COL16A1: variants seen among roughly 807,000 people sequenced by gnomAD.
COL16A1 encodes collagen type XVI alpha 1 chain, also known as collagen alpha-1(XVI) chain.
COL16A1 carries 189 observed loss-of-function variants against 266.3 expected under a neutral mutation model. The observed-to-expected ratio is 0.71, with a 90% CI of 0.63 to 0.80. COL16A1 has a LOEUF of 0.80. Among genes scored for constraint, COL16A1 ranks in the 30% least tolerant of loss-of-function variants. The pLI, the probability that COL16A1 is intolerant of heterozygous loss-of-function variation, is 0.00. For missense variants in COL16A1, 1,928 were observed against 2,122.4 expected (o/e 0.91, Z 1.80); for synonymous variants, 740 against 782.3 (o/e 0.95, Z 0.90).
chr1:31,652,535 A>G lies in COL16A1; in HGVS notation c.*116T>C. ...TCTTTATTATTTAAAAAATATTAAC[A>G]GCAATTAAAAACAACAACAACAACA... On this transcript the variant is annotated 3_prime_UTR_variant, in exon 71 of 71. Coordinates refer to ENST00000373672, the MANE Select transcript of COL16A1 (RefSeq NM_001856.4). The surrounding 1 kb of genome is among the most constrained non-coding windows in gnomAD (Gnocchi z 4.8). The G allele has an allele frequency of 8.6e-7, 1 of 1,161,368 alleles. No individual in the cohort carries two copies. Among genetic ancestry groups the G allele is most frequent in the Non-Finnish European group, 1.1e-6 (1 of 877,434 alleles). 71.9% of individuals were successfully genotyped at this position (1,161,368 alleles called of 1,614,324 possible). A position where few individuals can be genotyped will look rare whatever the true frequency, so the allele number is the denominator to read the frequency against.
At chr1:31,699,744 C>T in intron 4 of COL16A1, 69 bp downstream of exon 4, 1 of 1,023,046 alleles carries the variant, frequency 9.8e-7, no homozygotes, top group South Asian at 1.3e-5. Flanking sequence ...TTAAGCCCCA[C>T]ATCTGGAGTT....
Position 31,660,582 on chromosome 1 carries a change from C to T in COL16A1, c.3879+3G>A. The T allele has an allele frequency of 6.2e-7, 1 of 1,614,120 alleles. No individual in the cohort carries two copies. Among genetic ancestry groups the T allele is most frequent in the Non-Finnish European group, 8.5e-7 (1 of 1,179,974 alleles). The stretch of plus-strand genomic sequence containing the variant: ...AGACAGAGACAAAAGTGGTTCAACT[C>T]ACAACGTGTCCCGGGGGACCGGGTC... On this transcript the variant is annotated splice_donor_region_variant and intron_variant, in intron 62 of 70. Transcript: ENST00000373672.
In COL16A1 at chr1:31,698,609, G is replaced by A. The variant is rs1431260473; in HGVS notation, c.267-3C>T. The A allele has an allele frequency of 1.2e-6, 2 of 1,613,654 alleles. No individual in the cohort carries two copies. Among genetic ancestry groups the A allele is most frequent in the Admixed American group, 3.3e-5 (2 of 60,012 alleles). ...GGAGACCCCGAGGGAATACTCTTCT[G>A]GAGATGGAGCAGGGAGGGTGCCCTG... On this transcript the variant is annotated splice_polypyrimidine_tract_variant and splice_region_variant and intron_variant, in intron 4 of 70. Coordinates refer to ENST00000373672, the MANE Select transcript of COL16A1 (RefSeq NM_001856.4). This position sits in a 1 kb window ranked among gnomAD's most constrained non-coding sequence, Gnocchi z 4.1.
rs1641295863 is a variant in COL16A1, at chr1:31,657,759, C to A, written c.4021-691G>T. On this transcript the variant is annotated intron_variant, in intron 64 of 70. Transcript: ENST00000373672. This position sits in a 1 kb window ranked among gnomAD's most constrained non-coding sequence, Gnocchi z 6.4. Reference sequence around the variant, plus strand: ...GCCTCTGCTCTCCCAGGAGACTTTTCATCCCTGACCCTGGCAATCAGTTGC... The same window carrying A: ...GCCTCTGCTCTCCCAGGAGACTTTTAATCCCTGACCCTGGCAATCAGTTGC... 6.6e-6 allele frequency among the ~76,000 whole-genome samples: 1 copy of A among 152,236 alleles called. No individual in the cohort carries two copies. Among genetic ancestry groups the A allele is most frequent in the African/African-American group, 2.4e-5 (1 of 41,450 alleles).
intron 2 of COL16A1, among the ~76,000 whole-genome samples, chr1:31,701,797 T>C (rs1247221993): frequency 2.0e-5 from 3 of 152,120 alleles, no homozygotes; most frequent in Non-Finnish European, 2.9e-5. Context: ...GTCCACAGGA[T>C]TGGCTTACGT....
intron 12 of COL16A1, 55 bp downstream of exon 12, chr1:31,694,089 A>G: frequency 6.5e-7 from 1 of 1,535,508 alleles, no homozygotes. Context: ...ATGCTGTGGG[A>G]ATGGCTGGGG....
intron 42 of COL16A1, among the ~76,000 whole-genome samples, chr1:31,676,298 C>G (rs1381344549): frequency 7.2e-6 from 1 of 138,272 alleles, no homozygotes; most frequent in Non-Finnish European, 1.5e-5. Context: ...ACACTTTAGT[C>G]TAGGCAACAG....
At chr1:31,655,841 G>A (rs1570332166) in intron 66 of COL16A1, 1 of 345,370 alleles carries the variant, frequency 2.9e-6, no homozygotes, top group East Asian at 6.4e-5. Context: ...GACCTCACTG[G>A]TGATGATTCT....
chr1:31,655,670 G>T, intron 66 of COL16A1, 168 bp from the exon 67 acceptor site: 1 of 1,176,868 alleles, frequency 8.5e-7, no homozygotes, highest in Non-Finnish European at 1.2e-6. Flanking sequence ...CCTTCTAGAA[G>T]ACAGTTCTCC....
rs1643936821 is a variant in COL16A1, at chr1:31,685,705, G to C, written c.1950C>G (p.Ala650=). Residue 650 remains alanine, a synonymous_variant, in exon 29 of 71, where the codon GCC becomes GCG. Coordinates refer to ENST00000373672, the MANE Select transcript of COL16A1 (RefSeq NM_001856.4). This position sits in a 1 kb window ranked among gnomAD's most constrained non-coding sequence, Gnocchi z 4.0. ...NLQDGDVRVV[A]LPGPSGEKGE... Reference sequence around the variant, plus strand: ...CCTTCTCTCCGGATGGGCCAGGCAAGGCCACCACACGGACATCCCCATCCT... The same window carrying C: ...CCTTCTCTCCGGATGGGCCAGGCAACGCCACCACACGGACATCCCCATCCT... 1 of 1,613,916 alleles carries C rather than the reference G, an allele frequency of 6.2e-7. No homozygotes were observed. The highest frequency in any genetic ancestry group is 1.3e-5 in the African/African-American group (1 of 74,936).
chr1:31,678,200 T>G (rs1392324158), intron 42 of COL16A1, among the ~76,000 whole-genome samples: 17 of 141,978 alleles, frequency 1.2e-4, no homozygotes, highest in Admixed American at 2.1e-4. Flanking sequence ...GTGGCGGGGG[T>G]GGGGAGGGAA....
In COL16A1 at chr1:31,664,802, G is replaced by C. The variant is rs1641985857; in HGVS notation, c.3555+370C>G. ...TGCTTCCCCCTTCTCTCAGCTCCTC[G>C]CTCATCCTCCCGCCCAGGAGACGAA... On this transcript the variant is annotated intron_variant, in intron 56 of 70. Transcript: ENST00000373672. This position sits in a 1 kb window ranked among gnomAD's most constrained non-coding sequence, Gnocchi z 5.5. 6.6e-6 allele frequency among the ~76,000 whole-genome samples: 1 copy of C among 152,036 alleles called. No individual in the cohort carries two copies. The highest frequency in any genetic ancestry group is 1.5e-5 in the Non-Finnish European group (1 of 68,002).
chr1:31,690,284 C>G lies in COL16A1; in HGVS notation c.1509+83G>C, dbSNP rs1172157636. 3 of 1,595,312 alleles carry G rather than the reference C, an allele frequency of 1.9e-6. No homozygotes were observed. In the Admixed American group the frequency reaches 5.1e-5, roughly 27 times the overall value. Reference sequence around the variant, plus strand: ...TGAGGAAGGTCCAGCACCCCTAGGCCTAGGGCCCTTGATGCTCACTGTCAT... The same window carrying G: ...TGAGGAAGGTCCAGCACCCCTAGGCGTAGGGCCCTTGATGCTCACTGTCAT... On this transcript the variant is annotated intron_variant, in intron 22 of 70. Transcript: ENST00000373672.
intron 40 of COL16A1, 64 bp from the exon 41 acceptor site, chr1:31,679,915 G>C: frequency 6.5e-7 from 1 of 1,533,314 alleles, no homozygotes; most frequent in Non-Finnish European, 8.8e-7. Context: ...CACCAAGCGC[G>C]GGGCTGCGTG....
chr1:31,686,373 GATGTCCAGACTACCCTCTC>G (rs1248278233), intron 26 of COL16A1, 94 bp from the exon 27 acceptor site: 1 of 1,530,518 alleles, frequency 6.5e-7, no homozygotes, highest in Non-Finnish European at 9.0e-7. Context: ...AACCCCTTCA[GATGTCCAGACTACCCTCTC>G]ATGTCCAGAG....
At chr1:31,700,620 A>C (rs1345460680) in intron 2 of COL16A1, among the ~76,000 whole-genome samples, 2 of 152,236 alleles carry the variant, frequency 1.3e-5, no homozygotes, top group African/African-American at 2.4e-5. Flanking sequence ...GTGTCTGTAC[A>C]TGTGGGAGTT....
At position 31,672,521 on chromosome 1, in the gene COL16A1, G is replaced by A. The variant is rs191738708; in HGVS notation, c.3019-19C>T. 29 of 1,614,078 alleles carry A rather than the reference G, an allele frequency of 1.8e-5. No individual in the cohort carries two copies. The highest frequency in any genetic ancestry group is 1.7e-4 in the Admixed American group (10 of 60,012). On this transcript the variant is annotated intron_variant, in intron 46 of 70. Transcript: ENST00000373672. ...TGTCACCCTGGAGAAGGATGGAGAC[G>A]GTGATAGTGAGCAGTCAGGGCCTGT...
At chr1:31,674,217 A>T (rs1292022554) in intron 44 of COL16A1, among the ~76,000 whole-genome samples, 2 of 152,154 alleles carry the variant, frequency 1.3e-5, no homozygotes, top group South Asian at 4.1e-4. Context: ...GTGTCAGAAG[A>T]GGGTGGCCAG....
At position 31,667,642 on chromosome 1, in the gene COL16A1, A is replaced by G. The variant is rs1403109319; in HGVS notation, c.3304-14T>C. 1.2e-6 allele frequency: 2 copies of G among 1,602,026 alleles called. No homozygotes were observed. ...CCCCTTGATGCCCTGACAAGTGGCA[A>G]AGAGACAGTGGAATTAGCCCCACAG... On this transcript the variant is annotated splice_polypyrimidine_tract_variant and intron_variant, in intron 51 of 70. Transcript: ENST00000373672.
Sources: gnomAD v4.1 joint callset for allele counts (sites outside exome capture counted in the v4.1 genomes callset) on GRCh38, gnomAD v4.1.1 for gene constraint, Gnocchi (gnomAD v3.1) non-coding constraint, MANE v1.5 for transcripts, NCBI Gene and HGNC (gene_info 2026-07-23, HGNC 2026-07-21) for gene names.